GPC6: variants seen among roughly 807,000 people sequenced by gnomAD.
GPC6 encodes glypican-6.
Under a neutral mutation model 55.2 loss-of-function variants are expected in GPC6, and 14 were observed. The ratio of observed to expected loss-of-function variants is 0.25; its 90% CI spans 0.17 to 0.40. GPC6 has a LOEUF of 0.40. Among genes scored for constraint, GPC6 ranks in the 10% least tolerant of loss-of-function variants. The pLI is 1.00. For synonymous variants in GPC6, 278 were observed against 259.6 expected, an observed-to-expected ratio of 1.07 and a Z score of -0.68; for missense variants, 641 against 708.5, an observed-to-expected ratio of 0.90 and a Z score of 1.08.
At chr13:93,766,697 ATATAT>A (rs1885139102) in intron 2 of GPC6, among the ~76,000 whole-genome samples, 1 of 152,158 alleles carries the variant, frequency 6.6e-6, no homozygotes, top group African/African-American at 2.4e-5. Context: ...TTATCATTAA[ATATAT>A]TAAGATATTC....
chr13:93,981,927 CT>C (rs1880822029), intron 3 of GPC6, among the ~76,000 whole-genome samples: 1 of 152,120 alleles, frequency 6.6e-6, no homozygotes, highest in Non-Finnish European at 1.5e-5. Flanking sequence ...GACCCAATTT[CT>C]TATTTCATCA....
At chr13:93,425,683 T>C (rs1352048251) in intron 1 of GPC6, among the ~76,000 whole-genome samples, 1 of 152,166 alleles carries the variant, frequency 6.6e-6, no homozygotes, top group Non-Finnish European at 1.5e-5. Context: ...CTTGGCTTCC[T>C]TTCTAGTGAC....
chr13:93,284,165 TA>T (rs1244196431), intron 1 of GPC6, among the ~76,000 whole-genome samples: 1 of 152,176 alleles, frequency 6.6e-6, no homozygotes, highest in Non-Finnish European at 1.5e-5. Context: ...ATTTTATATT[TA>T]AAAGGGTGTA....
rs957445968 is a variant in GPC6, at chr13:93,439,703, A to G, written c.161-105560A>G. Among the ~76,000 whole-genome samples, 3 of 151,218 alleles carry G rather than the reference A, an allele frequency of 2.0e-5. No homozygotes were observed. The South Asian group carries it at 6.2e-4, about 31-fold the overall frequency. ...AAATAAAATAAATAAAAAAAATAAA[A>G]TAAAATAAAATAAAATAAAACACCA... On this transcript the variant is annotated intron_variant, in intron 1 of 8. Transcript: ENST00000377047.
chr13:94,188,193 A>G (rs532446890), intron 4 of GPC6, among the ~76,000 whole-genome samples: 13 of 152,296 alleles, frequency 8.5e-5, no homozygotes, highest in African/African-American at 2.9e-4. Context: ...TGTGTGCACT[A>G]AGGTGCAGCA....
intron 2 of GPC6, among the ~76,000 whole-genome samples, chr13:93,751,431 G>GA (rs1884586399): frequency 1.3e-5 from 2 of 150,086 alleles, no homozygotes; most frequent in East Asian, 1.9e-4. Context: ...AAGGTTTTCA[G>GA]AAAAAAGAAG....
chr13:94,162,835 TTAAG>T (rs1439690045), intron 4 of GPC6, among the ~76,000 whole-genome samples: 4 of 152,158 alleles, frequency 2.6e-5, no homozygotes, highest in Admixed American at 6.5e-5. Context: ...TATGGATAGT[TTAAG>T]TAAGTTAAAT....
Position 93,564,943 on chromosome 13 carries a change from T to C in GPC6, c.319+19522T>C, listed in dbSNP as rs543432698. ...TCCTTTTCTGTGCCGTTTCAAAATA[T>C]AAACTTAGTTTTTCTTAACCTGAAA... is the stretch of plus-strand genomic sequence containing the variant. On this transcript the variant is annotated intron_variant, in intron 2 of 8. Transcript: ENST00000377047. 8.5e-5 allele frequency among the ~76,000 whole-genome samples: 13 copies of C among 152,332 alleles called. No homozygotes were observed. In the South Asian group the frequency reaches 2.5e-3, roughly 29 times the overall value.
chr13:93,478,111 A>G (rs1340082961), intron 1 of GPC6, among the ~76,000 whole-genome samples: 2 of 152,124 alleles, frequency 1.3e-5, no homozygotes, highest in African/African-American at 4.8e-5. Context: ...CTGGTCAAGA[A>G]ATGATTTCTC....
At chr13:93,218,707 A>C in the GPC6 span, among the ~76,000 whole-genome samples, 2 of 152,224 alleles carry the variant, frequency 1.3e-5, no homozygotes, top group Non-Finnish European at 2.9e-5. Context: ...GTCTGGCCAT[A>C]TGGCAGAGTT....
chr13:93,642,044 G>T (rs1255259775), intron 2 of GPC6, among the ~76,000 whole-genome samples: 1 of 151,948 alleles, frequency 6.6e-6, no homozygotes, highest in Non-Finnish European at 1.5e-5. Context: ...CTGTAGGTTT[G>T]TTACAAAGCT....
intron 4 of GPC6, among the ~76,000 whole-genome samples, chr13:94,091,582 A>G (rs1456452713): frequency 1.3e-5 from 2 of 152,194 alleles, no homozygotes; most frequent in East Asian, 3.9e-4. Context: ...TATTAGAAAT[A>G]TAATCAGATG....
intron 3 of GPC6, among the ~76,000 whole-genome samples, chr13:93,876,398 A>G (rs1213277784): frequency 6.6e-6 from 1 of 152,062 alleles, no homozygotes; most frequent in Non-Finnish European, 1.5e-5. Context: ...TACAGATAAG[A>G]GCCTACTAAA....
intron 6 of GPC6, among the ~76,000 whole-genome samples, chr13:94,309,854 C>T (rs1876148790): frequency 6.6e-6 from 1 of 151,730 alleles, no homozygotes; most frequent in Admixed American, 6.6e-5. Flanking sequence ...CTTAGAAGCC[C>T]CTCTGTCCTA....
chr13:94,099,944 GAA>G (rs1463594334), intron 4 of GPC6, among the ~76,000 whole-genome samples: 1 of 152,102 alleles, frequency 6.6e-6, no homozygotes, highest in African/African-American at 2.4e-5. Context: ...AGAATTAATA[GAA>G]ACTGCAGATA....
intron 4 of GPC6, among the ~76,000 whole-genome samples, chr13:94,275,860 G>A (rs961979522): frequency 6.6e-6 from 1 of 151,926 alleles, no homozygotes; most frequent in Non-Finnish European, 1.5e-5. Flanking sequence ...GGAAATTCAG[G>A]GTAGACCCAC....
At chr13:93,348,491 G>T (rs987385102) in intron 1 of GPC6, among the ~76,000 whole-genome samples, 1 of 152,028 alleles carries the variant, frequency 6.6e-6, no homozygotes, top group Non-Finnish European at 1.5e-5. Context: ...GATTTTGTTC[G>T]CAGATGAAGA....
intron 7 of GPC6, among the ~76,000 whole-genome samples, chr13:94,388,764 C>A (rs973259101): frequency 2.0e-5 from 3 of 152,180 alleles, no homozygotes; most frequent in Non-Finnish European, 4.4e-5. Flanking sequence ...GTCCTGGTTC[C>A]TTTCTCTTAT....
intron 4 of GPC6, among the ~76,000 whole-genome samples, chr13:94,280,633 A>T (rs1368612071): frequency 1.3e-5 from 2 of 152,316 alleles, no homozygotes; most frequent in East Asian, 3.9e-4. Flanking sequence ...TTTAATGAAT[A>T]ACTGGGGGCC....
Sources: allele counts gnomAD v4.1 joint callset (sites outside exome capture counted in the v4.1 genomes callset), GRCh38; gene constraint gnomAD v4.1.1; transcripts MANE v1.5; gene names NCBI Gene and HGNC (gene_info 2026-07-23, HGNC 2026-07-21).